PIP4P2: variants seen among roughly 807,000 people sequenced by gnomAD.
PIP4P2 encodes type 2 phosphatidylinositol 4,5-bisphosphate 4-phosphatase.
In PIP4P2, 19 loss-of-function variants were observed where a neutral mutation model predicts 33.3. The ratio of observed to expected loss-of-function variants is 0.57; its 90% CI spans 0.40 to 0.84. The LOEUF (loss-of-function observed/expected upper bound fraction) is 0.84, where lower values mean the gene tolerates loss of function less well. Ranked by LOEUF, PIP4P2 falls within the 40% of genes least tolerant of loss-of-function variation. The probability of loss-of-function intolerance (pLI) is 0.00; values close to 1 mark genes in which losing one functional copy is unlikely to be tolerated. For missense variants in PIP4P2, 270 were observed against 324.7 expected (o/e 0.83, Z 1.29); for synonymous variants, 110 against 111.9 (o/e 0.98, Z 0.11).
intron 4 of PIP4P2, among the ~76,000 whole-genome samples, chr8:91,012,874 A>G (rs1482348602): frequency 6.6e-6 from 1 of 152,194 alleles, no homozygotes; most frequent in East Asian, 1.9e-4. Flanking sequence ...TGGCACATAC[A>G]TATCTACCTA....
chr8:90,997,958 G>A (rs1290907673), intron 5 of PIP4P2, among the ~76,000 whole-genome samples: 9 of 152,000 alleles, frequency 5.9e-5, no homozygotes, highest in Non-Finnish European at 1.2e-4. Flanking sequence ...GGGTACTTGA[G>A]CCCAAACACA....
At position 91,034,893 on chromosome 8, in the gene PIP4P2, A is replaced by C. The variant is rs77327925; in HGVS notation, c.106+5751T>G. Among the ~76,000 whole-genome samples, 464 of 152,344 alleles carry C rather than the reference A, an allele frequency of 3.0e-3. 2 individuals carry two copies. Among genetic ancestry groups the C allele is most frequent in the African/African-American group, 0.01 (436 of 41,582 alleles). On this transcript the variant is annotated intron_variant, in intron 1 of 6. Transcript: ENST00000285419. ...TATTCAATCTCTTTAATTCAGTAAA[A>C]GTCTAGCCTAGTGTAGAACATAGTT...
intron 3 of PIP4P2, chr8:91,018,774 TTTTTGTAAG>T: frequency 3.0e-6 from 1 of 334,778 alleles, no homozygotes; most frequent in South Asian, 4.9e-5. Context: ...CATTTCCAAG[TTTTTGTAAG>T]TTCAAATCAG....
intron 4 of PIP4P2, chr8:91,016,713 G>A (rs1343526620): frequency 2.6e-5 from 4 of 152,170 alleles, no homozygotes; most frequent in Non-Finnish European, 5.9e-5. Flanking sequence ...CTCTGAGGAT[G>A]GCATGGGATC....
intron 1 of PIP4P2, among the ~76,000 whole-genome samples, chr8:91,035,143 A>T (rs927656995): frequency 6.6e-6 from 1 of 152,204 alleles, no homozygotes; most frequent in Admixed American, 6.5e-5. Context: ...TCAAGATTAC[A>T]TGTTTTTTAA....
intron 5 of PIP4P2, among the ~76,000 whole-genome samples, chr8:91,005,542 C>G (rs1048675010): frequency 1.3e-5 from 2 of 152,152 alleles, no homozygotes; most frequent in Non-Finnish European, 2.9e-5. Flanking sequence ...ACTATTCTCC[C>G]CACTATGCCC....
chr8:91,022,145 C>G (rs1388562894), intron 1 of PIP4P2, among the ~76,000 whole-genome samples: 1 of 152,006 alleles, frequency 6.6e-6, no homozygotes, highest in African/African-American at 2.4e-5. Context: ...TAACAACAAC[C>G]ACCACAAAAA....
chr8:91,040,768 G>C lies in PIP4P2; in HGVS notation c.-19C>G. ...CAGCCATGACTGCGGCAGCGGCGGG[G>C]CCTGGGGAGGCCGAGCCGGGGTTGC... is the stretch of plus-strand genomic sequence containing the variant. On this transcript the variant is annotated 5_prime_UTR_variant, in exon 1 of 7. Coordinates refer to ENST00000285419, the MANE Select transcript of PIP4P2 (RefSeq NM_018710.3). 3 of 1,608,916 alleles carry C rather than the reference G, an allele frequency of 1.9e-6. No individual in the cohort carries two copies. Among genetic ancestry groups the C allele is most frequent in the Non-Finnish European group, 2.5e-6 (3 of 1,178,500 alleles).
intron 6 of PIP4P2, 139 bp from the exon 7 acceptor site, chr8:90,995,959 G>C: frequency 3.2e-6 from 3 of 932,858 alleles, no homozygotes; most frequent in Non-Finnish European, 3.1e-6. Context: ...AAGAGTAGGT[G>C]TATCTGTTGA....
rs536658324 is a variant in PIP4P2, at chr8:91,032,716, G to A, written c.106+7928C>T. On this transcript the variant is annotated intron_variant, in intron 1 of 6. Coordinates refer to ENST00000285419, the MANE Select transcript of PIP4P2 (RefSeq NM_018710.3). ...GAATTGCTTGAACCTAGGAGGTAGG[G>A]GTTGCAGTGAGCCGAGATCATGCCA... 2.6e-5 allele frequency among the ~76,000 whole-genome samples: 4 copies of A among 151,372 alleles called. No homozygotes were observed. In the East Asian group the frequency reaches 7.8e-4, roughly 29 times the overall value.
intron 1 of PIP4P2, among the ~76,000 whole-genome samples, chr8:91,032,346 A>T (rs1812174107): frequency 6.6e-6 from 1 of 152,186 alleles, no homozygotes; most frequent in Non-Finnish European, 1.5e-5. Context: ...TCCTTTGCAC[A>T]CCCCCATTAC....
Position 91,020,139 on chromosome 8 carries a change from T to A in PIP4P2, c.362+18A>T. ...ATGAACAAATGAATGAATCAATGAA[T>A]TAATCTTTATCTCTTACCAGTTGGG... is the stretch of plus-strand genomic sequence containing the variant. On this transcript the variant is annotated intron_variant, in intron 3 of 6. Transcript: ENST00000285419. 1 of 1,608,400 alleles carries A rather than the reference T, an allele frequency of 6.2e-7. No homozygotes were observed. The highest frequency in any genetic ancestry group is 8.5e-7 in the Non-Finnish European group (1 of 1,175,260).
At chr8:91,039,729 C>T (rs1298771553) in intron 1 of PIP4P2, among the ~76,000 whole-genome samples, 1 of 152,074 alleles carries the variant, frequency 6.6e-6, no homozygotes, top group Non-Finnish European at 1.5e-5. Context: ...GTCTTGCCTT[C>T]CATTTTCTTG....
intron 1 of PIP4P2, among the ~76,000 whole-genome samples, chr8:91,035,347 CT>C (rs756068399): frequency 1.3e-5 from 2 of 152,264 alleles, no homozygotes; most frequent in Non-Finnish European, 2.9e-5. Flanking sequence ...TTCTTCAATT[CT>C]TTAAAAAGAG....
intron 1 of PIP4P2, among the ~76,000 whole-genome samples, chr8:91,031,723 A>T (rs191578094): frequency 6.6e-6 from 1 of 152,356 alleles, no homozygotes; most frequent in African/African-American, 2.4e-5. Context: ...GTCATGTAAC[A>T]TCCTTAATCT....
chr8:91,011,183 T>C (rs1811833390), intron 4 of PIP4P2, among the ~76,000 whole-genome samples: 1 of 151,976 alleles, frequency 6.6e-6, no homozygotes, highest in Admixed American at 6.6e-5. Context: ...AATCTGGCCC[T>C]GCCTGAAGGT....
chr8:91,032,422 T>C (rs1178496869), intron 1 of PIP4P2, among the ~76,000 whole-genome samples: 3 of 152,162 alleles, frequency 2.0e-5, no homozygotes, highest in African/African-American at 7.2e-5. Context: ...AGGAAGAATG[T>C]ATTCCTTTTC....
chr8:91,021,401 T>G lies in PIP4P2; in HGVS notation c.110A>C (p.Glu37Ala). Residue 37 changes from glutamate (E) to alanine (A), a missense_variant, in exon 2 of 7, where the codon GAG becomes GCG. Physicochemically the swap from Glu to Ala is moderately radical, Grantham distance 107. Transcript: ENST00000285419. ...AATGGCTGTATATGGAGGTGGGAGC[T>G]CCGCTGAAAAGATATTAGTCACTGA... ...PYLQESSPRA[E>A]LPPPYTAIAS... 1 of 1,613,346 alleles carries G rather than the reference T, an allele frequency of 6.2e-7. No homozygotes were observed. Among genetic ancestry groups the G allele is most frequent in the South Asian group, 1.1e-5 (1 of 91,048 alleles).
chr8:90,996,555 C>T (rs1811631702), intron 6 of PIP4P2, 99 bp downstream of exon 6: 1 of 908,104 alleles, frequency 1.1e-6, no homozygotes, highest in Non-Finnish European at 1.6e-6. Flanking sequence ...GCCAAGGAGG[C>T]AGCCTCTTCA....
Sources: allele counts gnomAD v4.1 joint callset (sites outside exome capture counted in the v4.1 genomes callset), GRCh38; gene constraint gnomAD v4.1.1; transcripts MANE v1.5; gene names NCBI Gene and HGNC (gene_info 2026-07-23, HGNC 2026-07-21).